Variants in GLDC observed in about 807,000 individuals in gnomAD.
The protein encoded by GLDC is glycine decarboxylase.
A neutral mutation model predicts 121.3 loss-of-function variants in GLDC; 104 were observed. That is an observed-to-expected ratio of 0.86 (90% CI 0.73 to 1.01). The LOEUF (loss-of-function observed/expected upper bound fraction) is 1.01, where lower values mean the gene tolerates loss of function less well. GLDC is among the 50% of genes least tolerant of loss of function. GLDC has a pLI of 0.00. For missense variants in GLDC, 1,429 were observed against 1,306.6 expected, an observed-to-expected ratio of 1.09 and a Z score of -1.44; for synonymous variants, 546 against 480.6, an observed-to-expected ratio of 1.14 and a Z score of -1.78.
At chr9:6,590,731 G>A (rs1818359604) in intron 11 of GLDC, among the ~76,000 whole-genome samples, 2 of 152,078 alleles carry the variant, frequency 1.3e-5, no homozygotes, top group Non-Finnish European at 2.9e-5. Flanking sequence ...TGGCCCTCTT[G>A]ACCCCTTAGT....
intron 2 of GLDC, among the ~76,000 whole-genome samples, chr9:6,643,840 C>A (rs933044870): frequency 1.1e-4 from 16 of 151,326 alleles, no homozygotes; most frequent in South Asian, 2.1e-4. Context: ...TCGACACCAG[C>A]CTGGCCAACA....
At chr9:6,600,681 A>T (rs1339684129) in intron 8 of GLDC, among the ~76,000 whole-genome samples, 1 of 151,818 alleles carries the variant, frequency 6.6e-6, no homozygotes, top group African/African-American at 2.4e-5. Context: ...TCAAAGAAGA[A>T]AAAAAAAGAA....
intron 15 of GLDC, among the ~76,000 whole-genome samples, chr9:6,580,979 G>A (rs1226526340): frequency 1.3e-5 from 2 of 152,204 alleles, no homozygotes; most frequent in Admixed American, 6.5e-5. Flanking sequence ...TCCAGCTTCT[G>A]TGGACAGCTC....
At chr9:6,535,861 C>T (rs1467082365) in intron 23 of GLDC, 2 of 605,888 alleles carry the variant, frequency 3.3e-6, no homozygotes, top group Non-Finnish European at 6.0e-6. Context: ...ACAGCTTCCA[C>T]AACCACATCA....
intron 15 of GLDC, among the ~76,000 whole-genome samples, chr9:6,572,082 A>G (rs2129781558): frequency 6.6e-6 from 1 of 152,336 alleles, no homozygotes; most frequent in African/African-American, 2.4e-5. Flanking sequence ...AAACTATGAA[A>G]TTTCTGGGAA....
chr9:6,551,634 T>A (rs1817517063), intron 20 of GLDC, among the ~76,000 whole-genome samples: 1 of 152,180 alleles, frequency 6.6e-6, no homozygotes, highest in African/African-American at 2.4e-5. Context: ...GGGGCCACAT[T>A]GCTCCAGGCT....
intron 2 of GLDC, among the ~76,000 whole-genome samples, chr9:6,628,333 C>T (rs1041553612): frequency 2.0e-5 from 3 of 152,176 alleles, no homozygotes; most frequent in African/African-American, 7.2e-5. Context: ...ACTAGATTTT[C>T]CCCCCAGAGC....
At chr9:6,612,608 T>G (rs1254551968) in intron 3 of GLDC, among the ~76,000 whole-genome samples, 1 of 151,978 alleles carries the variant, frequency 6.6e-6, no homozygotes, top group Non-Finnish European at 1.5e-5. Context: ...TGCCTGTAAG[T>G]AATCCCAGCA....
At chr9:6,562,060 C>T (rs61682033) in intron 16 of GLDC, among the ~76,000 whole-genome samples, 2,671 of 152,282 alleles carry the variant, frequency 0.018, 65 homozygotes, top group African/African-American at 0.061. Context: ...AACAGCAAAC[C>T]TAATTGTTTT....
At chr9:6,569,860 C>T (rs1358078196) in intron 15 of GLDC, among the ~76,000 whole-genome samples, 1 of 151,942 alleles carries the variant, frequency 6.6e-6, no homozygotes, top group Non-Finnish European at 1.5e-5. Flanking sequence ...TCTGTAATCC[C>T]AGCTACTTGG....
At chr9:6,571,053 C>T (rs1429281414) in intron 15 of GLDC, among the ~76,000 whole-genome samples, 3 of 151,782 alleles carry the variant, frequency 2.0e-5, no homozygotes, top group Non-Finnish European at 4.4e-5. Context: ...CAAAATGTAA[C>T]ATTTAGAAGC....
chr9:6,568,860 G>C (rs1490313172), intron 15 of GLDC: 1 of 152,140 alleles, frequency 6.6e-6, no homozygotes, highest in Non-Finnish European at 1.5e-5. Flanking sequence ...AGAAAAAAAA[G>C]AAGAAAAGAA....
chr9:6,554,524 G>A, intron 19 of GLDC, 145 bp downstream of exon 19: 1 of 706,826 alleles, frequency 1.4e-6, no homozygotes, highest in East Asian at 2.7e-5. Flanking sequence ...CCATTTTGCT[G>A]CTCCTCCCCC....
chr9:6,636,328 GATA>G (rs1466446585), intron 2 of GLDC, among the ~76,000 whole-genome samples: 1 of 151,862 alleles, frequency 6.6e-6, no homozygotes, highest in Non-Finnish European at 1.5e-5. Flanking sequence ...CACTTTGGGT[GATA>G]ATGATGCATT....
In GLDC at chr9:6,645,569, G is replaced by A; in HGVS notation, c.-70C>T. 1.7e-6 allele frequency: 2 copies of A among 1,143,650 alleles called. No individual in the cohort carries two copies. Among genetic ancestry groups the A allele is most frequent in the Middle Eastern group, 3.5e-4 (1 of 2,834 alleles). The allele number at this position is 1,143,650 out of a possible 1,614,324, so 70.8% of individuals were successfully genotyped here. A position where few individuals can be genotyped will look rare whatever the true frequency, so the allele number is the denominator to read the frequency against. The stretch of plus-strand genomic sequence containing the variant: ...CGCTCTTGGCCCCTCTCCTGGCCTC[G>A]GTCCCCCGGGTGGCGGCTGCGCCCG... On this transcript the variant is annotated 5_prime_UTR_variant, in exon 1 of 25. Coordinates refer to ENST00000321612, the MANE Select transcript of GLDC (RefSeq NM_000170.3).
intron 16 of GLDC, among the ~76,000 whole-genome samples, chr9:6,559,298 T>A (rs1230519973): frequency 2.6e-5 from 4 of 151,490 alleles, no homozygotes; most frequent in Admixed American, 2.6e-4. Flanking sequence ...GTGGATCACC[T>A]GAGGTCAGGA....
chr9:6,625,841 G>C (rs1180900620), intron 2 of GLDC, among the ~76,000 whole-genome samples: 4 of 151,550 alleles, frequency 2.6e-5, no homozygotes, highest in Non-Finnish European at 5.9e-5. Flanking sequence ...AGAAGGAGTA[G>C]ATAGGATCTC....
chr9:6,562,092 C>T lies in GLDC; in HGVS notation c.1926+3262G>A, dbSNP rs559104158. ...TTTTTCTTTAGAGTTTTTATTTTTT[C>T]GTAAGATCTGGAGGTCTGCTGAGTA... On this transcript the variant is annotated intron_variant, in intron 16 of 24. Coordinates refer to ENST00000321612, the MANE Select transcript of GLDC (RefSeq NM_000170.3). Among the ~76,000 whole-genome samples the T allele has an allele frequency of 1.2e-3, 187 of 152,170 alleles. 1 individual carries two copies. Among genetic ancestry groups the T allele is most frequent in the Non-Finnish European group, 2.1e-3 (140 of 68,008 alleles).
At chr9:6,597,645 G>A (rs1818516438) in intron 8 of GLDC, among the ~76,000 whole-genome samples, 1 of 152,102 alleles carries the variant, frequency 6.6e-6, no homozygotes, top group Non-Finnish European at 1.5e-5. Context: ...TAAGAAATAA[G>A]AGAATATATG....
Sources: gnomAD v4.1 joint callset for allele counts (sites outside exome capture counted in the v4.1 genomes callset) on GRCh38, gnomAD v4.1.1 for gene constraint, MANE v1.5 for transcripts, NCBI Gene and HGNC (gene_info 2026-07-23, HGNC 2026-07-21) for gene names.